The following ZNF34 variants were observed in gnomAD, a reference collection of about 807,000 sequenced individuals.
ZNF34 encodes zinc finger protein 34, also known as zinc finger protein 34 (KOX 32).
Under a neutral mutation model 14.4 loss-of-function variants are expected in ZNF34, and 8 were observed. The ratio of observed to expected loss-of-function variants is 0.55; its 90% CI spans 0.33 to 1.00. The LOEUF (loss-of-function observed/expected upper bound fraction) is 1.00, where lower values mean the gene tolerates loss of function less well. Among genes scored for constraint, ZNF34 ranks in the 50% least tolerant of loss-of-function variants. The probability of loss-of-function intolerance (pLI) is 0.03; values close to 1 mark genes in which losing one functional copy is unlikely to be tolerated. For synonymous variants in ZNF34, 235 were observed against 247.9 expected (o/e 0.95, Z 0.49); for missense variants, 538 against 674.2 (o/e 0.80, Z 2.24).
At chr8:144,782,358 C>T (rs181596023) in intron 1 of ZNF34, among the ~76,000 whole-genome samples, 4 of 150,458 alleles carry the variant, frequency 2.7e-5, no homozygotes, top group East Asian at 3.9e-4. Context: ...GGCATGGTGG[C>T]GTGAACCTGT....
rs779536969 is a variant in ZNF34 at position 144,773,247 on chromosome 8, C to A, written c.*19G>T. On this transcript the variant is annotated 3_prime_UTR_variant, in exon 6 of 6. Transcript: ENST00000429371. This position sits in a 1 kb window ranked among gnomAD's most constrained non-coding sequence, Gnocchi z 5.4. ...AGGAAGTGCTCAGCTGGACTCTGCCCTCGGACACCGCGCCACTGTTACATG... is the reference window on the plus strand; with the variant it reads ...AGGAAGTGCTCAGCTGGACTCTGCCATCGGACACCGCGCCACTGTTACATG... 7.6e-6 allele frequency: 12 copies of A among 1,580,002 alleles called. No individual in the cohort carries two copies. In the East Asian group the frequency reaches 2.2e-4, roughly 30 times the overall value.
chr8:144,781,477 T>C (rs938899882), intron 1 of ZNF34, among the ~76,000 whole-genome samples: 18 of 152,078 alleles, frequency 1.2e-4, no homozygotes, highest in Admixed American at 3.3e-4. Flanking sequence ...AGGATGGTCT[T>C]GATCTCCTGA....
At chr8:144,775,981 AAC>A (rs1825488860) in intron 5 of ZNF34, among the ~76,000 whole-genome samples, 1 of 152,316 alleles carries the variant, frequency 6.6e-6, no homozygotes, top group East Asian at 1.9e-4. Flanking sequence ...CAGAAATGGA[AAC>A]ACATTCCGTG....
Position 144,778,074 on chromosome 8 carries a change from C to T in ZNF34, c.124G>A (p.Val42Met), listed in dbSNP as rs776089030. The change falls in exon 4 of 6, where the codon GTG (valine) becomes ATG (methionine). Residue 42 changes from valine to methionine, a missense_variant. By Grantham distance (21) the Val-to-Met change is conservative (BLOSUM62 1). Coordinates refer to ENST00000429371, the MANE Select transcript of ZNF34 (RefSeq NM_001286769.2). ...AGGTTCCCGTAGGTCTCCAGCATCACGTCCCTGTAGAGGCCCCTCTGAGCA... is the reference window on the plus strand; with the variant it reads ...AGGTTCCCGTAGGTCTCCAGCATCATGTCCCTGTAGAGGCCCCTCTGAGCA... Reference protein sequence around the residue: ...GPAQRGLYRDVMLETYGNLVS... With the variant: ...GPAQRGLYRDMMLETYGNLVS... The T allele has an allele frequency of 1.2e-6, 2 of 1,613,956 alleles. No homozygotes were observed. Among genetic ancestry groups the T allele is most frequent in the African/African-American group, 1.3e-5 (1 of 74,920 alleles).
intron 1 of ZNF34, among the ~76,000 whole-genome samples, chr8:144,780,526 G>A (rs775311693): frequency 6.6e-6 from 1 of 151,958 alleles, no homozygotes; most frequent in East Asian, 1.9e-4. Flanking sequence ...GGTGGCTCAC[G>A]CCTGCAATCC....
At chr8:144,785,287 A>G (rs1826158375) in intron 1 of ZNF34, 1 of 152,180 alleles carries the variant, frequency 6.6e-6, no homozygotes, top group African/African-American at 2.4e-5. Flanking sequence ...ATAAATGAAC[A>G]CAGGATATGA....
Position 144,772,831 on chromosome 8 carries a change from C to A in ZNF34, c.*435G>T, listed in dbSNP as rs1012160235. 6.6e-6 allele frequency among the ~76,000 whole-genome samples: 1 copy of A among 152,204 alleles called. No homozygotes were observed. The highest frequency in any genetic ancestry group is 2.4e-5 in the African/African-American group (1 of 41,450). On this transcript the variant is annotated 3_prime_UTR_variant, in exon 6 of 6. Transcript: ENST00000429371. The stretch of plus-strand genomic sequence containing the variant: ...CTGGTATTACAGGCATGAGCCACCA[C>A]ACCTGGCCGATGCTTTTAAATTTAC...
chr8:144,781,354 T>C (rs1037861925), intron 1 of ZNF34, among the ~76,000 whole-genome samples: 12 of 150,324 alleles, frequency 8.0e-5, no homozygotes, highest in South Asian at 2.2e-4. Context: ...CTGCAAGCTC[T>C]GCCTCCCGGG....
Position 144,777,331 on chromosome 8 carries a change from T to C in ZNF34, c.280+127A>G. On this transcript the variant is annotated intron_variant, in intron 5 of 5. Coordinates refer to ENST00000429371, the MANE Select transcript of ZNF34 (RefSeq NM_001286769.2). This position sits in a 1 kb window ranked among gnomAD's most constrained non-coding sequence, Gnocchi z 4.8. Reference sequence around the variant, plus strand: ...TCACCTGGGCTTCAGCAAAGGCCACTGTCAGGCCTCCTGTGCTAGCCCCGA... The same window carrying C: ...TCACCTGGGCTTCAGCAAAGGCCACCGTCAGGCCTCCTGTGCTAGCCCCGA... 7.6e-7 allele frequency: 1 copy of C among 1,312,036 alleles called. No individual in the cohort carries two copies. 81.3% of individuals were successfully genotyped at this position (1,312,036 alleles called of 1,614,324 possible). A position where few individuals can be genotyped will look rare whatever the true frequency, so the allele number is the denominator to read the frequency against.
rs940576839 is a variant in ZNF34 at position 144,782,579 on chromosome 8, T to C, written c.-107-2299A>G. 3.3e-5 allele frequency among the ~76,000 whole-genome samples: 5 copies of C among 152,064 alleles called. No homozygotes were observed. The East Asian group carries it at 9.7e-4, about 29-fold the overall frequency. On this transcript the variant is annotated intron_variant, in intron 1 of 5. Transcript: ENST00000429371. ...AGGGCCGGGCACGGTGGCTCACGGC[T>C]GTAATCCCAGCACTTTGGGAGGCCA... is the stretch of plus-strand genomic sequence containing the variant.
In ZNF34 at chr8:144,778,961, G is replaced by A. The variant is rs1395650049; in HGVS notation, c.-54-436C>T. Among the ~76,000 whole-genome samples the A allele has an allele frequency of 1.1e-4, 16 of 152,098 alleles. No individual in the cohort carries two copies. The South Asian group carries it at 2.9e-3, about 28-fold the overall frequency. On this transcript the variant is annotated intron_variant, in intron 2 of 5. Transcript: ENST00000429371. ...AAAAGAGTCTGGGAACACGTCCTGG[G>A]TCCAGGGTCCAAACCCCCTCATGGC...
At chr8:144,776,531 A>G (rs1375159339) in intron 5 of ZNF34, among the ~76,000 whole-genome samples, 1 of 152,040 alleles carries the variant, frequency 6.6e-6, no homozygotes, top group African/African-American at 2.4e-5. Context: ...CAGGAGGTGG[A>G]GGTTGCAGTG....
intron 1 of ZNF34, among the ~76,000 whole-genome samples, chr8:144,780,540 C>G (rs951467069): frequency 6.6e-6 from 1 of 152,222 alleles, no homozygotes; most frequent in African/African-American, 2.4e-5. Flanking sequence ...GCAATCCCAG[C>G]ACTTTGGGAG....
At chr8:144,776,139 C>T (rs1260856596) in intron 5 of ZNF34, among the ~76,000 whole-genome samples, 3 of 152,154 alleles carry the variant, frequency 2.0e-5, no homozygotes, top group East Asian at 3.9e-4. Flanking sequence ...CGGTGTAACC[C>T]CGTCTCTATT....
Position 144,773,339 on chromosome 8 carries a change from C to A in ZNF34, c.1547G>T (p.Gly516Val), listed in dbSNP as rs1456163533. Residue 516 changes from glycine (G) to valine (V), a missense_variant, in exon 6 of 6, where the codon GGG becomes GTG. By Grantham distance (109) the Gly-to-Val change is moderately radical. Around this residue, in one of 3 missense-constraint regions of ZNF34, gnomAD observed 101 missense variants for 123.1 expected, o/e 0.82. Transcript: ENST00000429371. The surrounding 1 kb of genome is among the most constrained non-coding windows in gnomAD (Gnocchi z 5.4). ...GTTGGAACTGTGCCGGAAGGCCTTCCCACACTCGCTGCACTTGTAGGGCTT... is the reference window on the plus strand; with the variant it reads ...GTTGGAACTGTGCCGGAAGGCCTTCACACACTCGCTGCACTTGTAGGGCTT... ...GEKPYKCSEC[G>V]KAFRHSSNMC... The A allele has an allele frequency of 6.2e-7, 1 of 1,614,158 alleles. No homozygotes were observed. The highest frequency in any genetic ancestry group is 2.2e-5 in the East Asian group (1 of 44,888).
rs866594112 is a variant in ZNF34 at position 144,773,359 on chromosome 8, G to A, written c.1527C>T (p.Pro509=). 4 of 1,614,194 alleles carry A rather than the reference G, an allele frequency of 2.5e-6. No individual in the cohort carries two copies. The highest frequency in any genetic ancestry group is 3.4e-6 in the Non-Finnish European group (4 of 1,180,030). The stretch of plus-strand genomic sequence containing the variant: ...CCTTCCCACACTCGCTGCACTTGTA[G>A]GGCTTCTCCCCGGTGTGGATCCTCC... ...QHRRIHTGEK[P]YKCSECGKAF... is the part of the protein sequence containing the mutation. Residue 509 remains proline (P), a synonymous_variant, in exon 6 of 6, where the codon CCC becomes CCT. Transcript: ENST00000429371. The surrounding 1 kb of genome is among the most constrained non-coding windows in gnomAD (Gnocchi z 5.4).
At chr8:144,781,359 C>T (rs1469617147) in intron 1 of ZNF34, among the ~76,000 whole-genome samples, 2 of 150,940 alleles carry the variant, frequency 1.3e-5, no homozygotes, top group Non-Finnish European at 2.9e-5. Context: ...AGCTCTGCCT[C>T]CCGGGTTCAC....
intron 1 of ZNF34, among the ~76,000 whole-genome samples, chr8:144,785,867 C>T (rs557797598): frequency 1.8e-4 from 28 of 151,946 alleles, no homozygotes; most frequent in Non-Finnish European, 4.0e-4. Context: ...AAAACTTCAG[C>T]GTCCATCAGC....
rs981844290 is a variant in ZNF34 at position 144,772,562 on chromosome 8, C to G, written c.*704G>C. 2.6e-5 allele frequency among the ~76,000 whole-genome samples: 4 copies of G among 152,234 alleles called. No homozygotes were observed. Among genetic ancestry groups the G allele is most frequent in the Non-Finnish European group, 5.9e-5 (4 of 68,044 alleles). On this transcript the variant is annotated 3_prime_UTR_variant, in exon 6 of 6. Coordinates refer to ENST00000429371, the MANE Select transcript of ZNF34 (RefSeq NM_001286769.2). Reference sequence around the variant, plus strand: ...AGTTTGTTTCATTTATTTTTTGAGACAGCGTCTCGCTCTGTCACCCAGGCT... The same window carrying G: ...AGTTTGTTTCATTTATTTTTTGAGAGAGCGTCTCGCTCTGTCACCCAGGCT...
Sources: gnomAD v4.1 joint callset for allele counts (sites outside exome capture counted in the v4.1 genomes callset) on GRCh38, gnomAD v4.1.1 for gene constraint, gnomAD v4.1.1 regional missense constraint, Gnocchi (gnomAD v3.1) non-coding constraint, MANE v1.5 for transcripts, NCBI Gene and HGNC (gene_info 2026-07-23, HGNC 2026-07-21) for gene names.